Variants in AGBL4 observed in about 807,000 individuals in gnomAD.
The protein encoded by AGBL4 is AGBL carboxypeptidase 4, also known as cytosolic carboxypeptidase 6.
AGBL4 carries 58 observed loss-of-function variants against 66.4 expected under a neutral mutation model. The observed-to-expected ratio is 0.87, with a 90% CI of 0.71 to 1.09. AGBL4 has a LOEUF of 1.09. Ranked by LOEUF, AGBL4 falls within the 50% of genes least tolerant of loss-of-function variation. The pLI, the probability that AGBL4 is intolerant of heterozygous loss-of-function variation, is 0.00. For synonymous variants in AGBL4, 234 were observed against 222.9 expected, an observed-to-expected ratio of 1.05 and a Z score of -0.44; for missense variants, 579 against 631.0, an observed-to-expected ratio of 0.92 and a Z score of 0.88.
At chr1:49,667,293 A>C (rs553931916) in intron 3 of AGBL4, among the ~76,000 whole-genome samples, 1 of 152,056 alleles carries the variant, frequency 6.6e-6, no homozygotes, top group East Asian at 2.0e-4. Context: ...GCCCTGTGTC[A>C]ACAAAATTAC....
chr1:49,735,825 A>C (rs954135454), intron 2 of AGBL4, among the ~76,000 whole-genome samples: 1 of 152,164 alleles, frequency 6.6e-6, no homozygotes, highest in African/African-American at 2.4e-5. Context: ...ATGAGGAGAT[A>C]GAAGTATAAA....
chr1:49,530,273 C>CAACAAAAA (rs1651009483), intron 3 of AGBL4, among the ~76,000 whole-genome samples: 1 of 111,928 alleles, frequency 8.9e-6, no homozygotes, highest in African/African-American at 3.6e-5. Flanking sequence ...AAAAAAAAAA[C>CAACAAAAA]AAAAAAAAAC....
rs201132945 is a variant in AGBL4 at position 48,546,854 on chromosome 1, AAAAC to A, written c.1268-7120_1268-7117del. Among the ~76,000 whole-genome samples, 293 of 126,118 alleles carry A rather than the reference AAAAC, an allele frequency of 2.3e-3. 3 individuals carry two copies. Among genetic ancestry groups the A allele is most frequent in the East Asian group, 8.4e-3 (36 of 4,264 alleles). 82.7% of individuals were successfully genotyped at this position (126,118 alleles called of 152,430 possible). On this transcript the variant is annotated intron_variant, in intron 11 of 13. Transcript: ENST00000371839. Reference sequence around the variant, plus strand: ...AAGCAGAGACAAATAGCGAGGTAGTAAAACAAACAAACACACACACACACACACA... The same window carrying A: ...AAGCAGAGACAAATAGCGAGGTAGTAAAACAAACACACACACACACACACA...
At chr1:49,976,242 C>T (rs1049428539) in intron 1 of AGBL4, among the ~76,000 whole-genome samples, 2 of 152,170 alleles carry the variant, frequency 1.3e-5, no homozygotes, top group Non-Finnish European at 2.9e-5. Flanking sequence ...TCAGACAAGT[C>T]TTCCCAGGTC....
intron 4 of AGBL4, among the ~76,000 whole-genome samples, chr1:49,120,366 C>A (rs534323654): frequency 6.2e-4 from 94 of 152,184 alleles, no homozygotes; most frequent in African/African-American, 2.2e-3. Context: ...GTAAGGCAGG[C>A]CTGTTTGTGA....
At chr1:48,556,624 G>C (rs780054064) in intron 11 of AGBL4, among the ~76,000 whole-genome samples, 1 of 152,184 alleles carries the variant, frequency 6.6e-6, no homozygotes, top group Admixed American at 6.5e-5. Flanking sequence ...TCAGACGTCA[G>C]CTCCACTGCC....
intron 3 of AGBL4, among the ~76,000 whole-genome samples, chr1:49,388,422 C>T (rs1644781158): frequency 6.6e-6 from 1 of 152,084 alleles, no homozygotes; most frequent in Non-Finnish European, 1.5e-5. Flanking sequence ...TGCTGTAGTA[C>T]TTTCTAAAGC....
At chr1:48,869,962 A>C (rs1172595007) in intron 5 of AGBL4, among the ~76,000 whole-genome samples, 1 of 152,114 alleles carries the variant, frequency 6.6e-6, no homozygotes, top group Non-Finnish European at 1.5e-5. Flanking sequence ...GCTGAACTCA[A>C]CTGAACTAGT....
chr1:49,384,058 G>C (rs148251670), intron 3 of AGBL4, among the ~76,000 whole-genome samples: 5,875 of 151,928 alleles, frequency 0.039, 225 homozygotes, highest in East Asian at 0.16. Context: ...GCCTCCCAAA[G>C]TGCTGGGACT....
chr1:49,724,863 A>G (rs576722607), intron 2 of AGBL4, among the ~76,000 whole-genome samples: 2 of 152,276 alleles, frequency 1.3e-5, no homozygotes, highest in East Asian at 3.9e-4. Flanking sequence ...GAGCACTGCC[A>G]GAATTTTGAT....
chr1:49,317,025 A>G (rs1645050596), intron 3 of AGBL4, among the ~76,000 whole-genome samples: 1 of 151,976 alleles, frequency 6.6e-6, no homozygotes, highest in South Asian at 2.1e-4. Flanking sequence ...AAAAACATAT[A>G]TAGCATTTTA....
chr1:48,595,562 C>T (rs1279827144), intron 9 of AGBL4, among the ~76,000 whole-genome samples: 2 of 152,224 alleles, frequency 1.3e-5, no homozygotes, highest in South Asian at 2.1e-4. Flanking sequence ...TCCTTCCAAA[C>T]TTAAGGACCT....
chr1:49,814,391 T>G (rs1365521101), intron 2 of AGBL4, among the ~76,000 whole-genome samples: 1 of 152,130 alleles, frequency 6.6e-6, no homozygotes, highest in Non-Finnish European at 1.5e-5. Context: ...TACAGCCTTA[T>G]AGTGTACTTA....
intron 3 of AGBL4, among the ~76,000 whole-genome samples, chr1:49,388,058 G>A (rs1232922153): frequency 6.6e-6 from 1 of 152,016 alleles, no homozygotes; most frequent in African/African-American, 2.4e-5. Context: ...ATAGGACAGT[G>A]GTTGACATTG....
chr1:49,553,024 A>G (rs992562967), intron 3 of AGBL4, among the ~76,000 whole-genome samples: 4 of 152,198 alleles, frequency 2.6e-5, no homozygotes, highest in Non-Finnish European at 5.9e-5. Flanking sequence ...TTTATTGTCA[A>G]TGTAAGACAA....
rs77875970 is a variant in AGBL4, at chr1:49,247,097, T to A, written c.283-1233A>T. On this transcript the variant is annotated intron_variant, in intron 3 of 13. Transcript: ENST00000371839. ...GTAGATGACAGAATTGATACTTGAA[T>A]TCAGGGGATAAACAGATAAGATGTC... 2.0e-3 allele frequency among the ~76,000 whole-genome samples: 301 copies of A among 152,150 alleles called. 2 individuals are homozygous for A. Among genetic ancestry groups the A allele is most frequent in the African/African-American group, 6.9e-3 (285 of 41,560 alleles).
chr1:48,678,388 G>A (rs1174022798), intron 6 of AGBL4, among the ~76,000 whole-genome samples: 2 of 152,154 alleles, frequency 1.3e-5, no homozygotes, highest in African/African-American at 4.8e-5. Flanking sequence ...GGGACTGAGG[G>A]GGAGAACAAC....
intron 3 of AGBL4, among the ~76,000 whole-genome samples, chr1:49,442,088 C>T (rs1470103016): frequency 6.6e-6 from 1 of 152,046 alleles, no homozygotes; most frequent in African/African-American, 2.4e-5. Context: ...AGTAGGAGAT[C>T]CAGTGTTGTC....
chr1:49,767,078 A>C (rs1652784951), intron 2 of AGBL4, among the ~76,000 whole-genome samples: 1 of 152,174 alleles, frequency 6.6e-6, no homozygotes, highest in South Asian at 2.1e-4. Flanking sequence ...GACATTCTGC[A>C]CATAAATTTA....
Sources: gnomAD v4.1 joint callset for allele counts (sites outside exome capture counted in the v4.1 genomes callset) on GRCh38, gnomAD v4.1.1 for gene constraint, MANE v1.5 for transcripts, NCBI Gene and HGNC (gene_info 2026-07-23, HGNC 2026-07-21) for gene names.